The following TSR1 variants were observed in gnomAD, a reference collection of about 807,000 sequenced individuals.
TSR1 encodes pre-rRNA-processing protein TSR1 homolog.
TSR1 carries 81 observed loss-of-function variants against 90.9 expected under a neutral mutation model. The observed-to-expected ratio is 0.89, with a 90% CI of 0.74 to 1.07. TSR1 has a LOEUF of 1.07. Ranked by LOEUF, TSR1 falls within the 50% of genes least tolerant of loss-of-function variation. The probability of loss-of-function intolerance (pLI) is 0.00; values close to 1 mark genes in which losing one functional copy is unlikely to be tolerated. For synonymous variants in TSR1, 362 were observed against 348.8 expected (o/e 1.04, Z -0.42); for missense variants, 989 against 987.3 (o/e 1.00, Z -0.02).
At chr17:2,325,014 T>C in intron 12 of TSR1, 185 bp from the exon 13 acceptor site, 1 of 645,072 alleles carries the variant, frequency 1.6e-6, no homozygotes, top group Non-Finnish European at 2.6e-6. Flanking sequence ...TGAAAACTTG[T>C]ACTTCAAGAG....
rs2064056084 is a variant in TSR1, at chr17:2,335,622, G to GTACTGTTCCAGTGTCCC, written c.309_310insGGGACACTGGAACAGTA (p.Gln104GlyfsTer16). The GTACTGTTCCAGTGTCCC allele has an allele frequency of 6.2e-7, 1 of 1,614,062 alleles. No homozygotes were observed. Among genetic ancestry groups the GTACTGTTCCAGTGTCCC allele is most frequent in the Non-Finnish European group, 8.5e-7 (1 of 1,180,042 alleles). On this transcript the variant is annotated frameshift_variant, in exon 3 of 15. Coordinates refer to ENST00000301364, the MANE Select transcript of TSR1 (RefSeq NM_018128.5). LOFTEE classifies it high-confidence loss of function. ...TGTACTGTTCCAGTGTCCCTATCTT[G>GTACTGTTCCAGTGTCCC]AAGCAGCTGCATGGCCTCTGGCAGG...
chr17:2,331,194 A>G, intron 8 of TSR1, 85 bp from the exon 9 acceptor site: 1 of 1,195,882 alleles, frequency 8.4e-7, no homozygotes, highest in Non-Finnish European at 1.1e-6. Flanking sequence ...ATGGCTAAGG[A>G]GCTAGCTGAA....
chr17:2,333,493 A>G, intron 6 of TSR1, 64 bp downstream of exon 6: 1 of 1,607,688 alleles, frequency 6.2e-7, no homozygotes, highest in Non-Finnish European at 8.5e-7. Flanking sequence ...CCTCACTTGG[A>G]ACAGCTACAG....
In TSR1 at chr17:2,334,864, G is replaced by GT. The variant is rs750660335; in HGVS notation, c.588dup (p.Leu197ThrfsTer13). 1 of 1,613,164 alleles carries GT rather than the reference G, an allele frequency of 6.2e-7. No individual in the cohort carries two copies. Among genetic ancestry groups the GT allele is most frequent in the African/African-American group, 1.3e-5 (1 of 75,054 alleles). On this transcript the variant is annotated frameshift_variant, in exon 5 of 15. Transcript: ENST00000301364. LOFTEE classifies it high-confidence loss of function. ...TTCCTGGTATCTATTTGTTTCTTCA[G>GT]TGGGAGGCCAGAAATCCCCTGGACA...
In TSR1 at chr17:2,323,589, T is replaced by C; in HGVS notation, c.*607A>G. On this transcript the variant is annotated 3_prime_UTR_variant, in exon 15 of 15. Transcript: ENST00000301364. ...TTCAAACTGGACACGTATTCTCATC[T>C]GAACTTTATAGGTAAACCAACTAGA... is the stretch of plus-strand genomic sequence containing the variant. 6 of 1,534,962 alleles carry C rather than the reference T, an allele frequency of 3.9e-6. No homozygotes were observed. In the African/African-American group the frequency reaches 4.1e-5, roughly 10 times the overall value.
At position 2,323,566 on chromosome 17, in the gene TSR1, C is replaced by A; in HGVS notation, c.*630G>T. 1 of 1,397,022 alleles carries A rather than the reference C, an allele frequency of 7.2e-7. No individual in the cohort carries two copies. Among genetic ancestry groups the A allele is most frequent in the South Asian group, 1.2e-5 (1 of 81,280 alleles). The allele number at this position is 1,397,022 out of a possible 1,614,324, so 86.5% of individuals were successfully genotyped here. On this transcript the variant is annotated 3_prime_UTR_variant, in exon 15 of 15. Transcript: ENST00000301364. ...GTGTGTACACAGTGATAAGAAAATT[C>A]AAACTGGACACGTATTCTCATCTGA...
chr17:2,336,176 C>A, intron 1 of TSR1, 36 bp from the exon 2 acceptor site: 2 of 1,609,060 alleles, frequency 1.2e-6, no homozygotes, highest in South Asian at 1.1e-5. Context: ...GTGTGATCGG[C>A]CCCACAAGGT....
At position 2,324,118 on chromosome 17, in the gene TSR1, C is replaced by T. The variant is rs780582736; in HGVS notation, c.*78G>A. Reference sequence around the variant, plus strand: ...CTGACAGGCTGACATAGAAAATAAACTTTGCCCAATCACAACTTGTGCCTC... The same window carrying T: ...CTGACAGGCTGACATAGAAAATAAATTTTGCCCAATCACAACTTGTGCCTC... On this transcript the variant is annotated 3_prime_UTR_variant, in exon 15 of 15. Coordinates refer to ENST00000301364, the MANE Select transcript of TSR1 (RefSeq NM_018128.5). The T allele has an allele frequency of 1.3e-5, 19 of 1,492,360 alleles. No individual in the cohort carries two copies. The highest frequency in any genetic ancestry group is 1.7e-5 in the Non-Finnish European group (19 of 1,119,644). The allele number at this position is 1,492,360 out of a possible 1,614,324, so 92.4% of individuals were successfully genotyped here.
intron 8 of TSR1, among the ~76,000 whole-genome samples, chr17:2,331,719 T>C (rs890833910): frequency 1.3e-5 from 2 of 152,216 alleles, no homozygotes; most frequent in African/African-American, 4.8e-5. Context: ...GGTACTTCTT[T>C]ATAGCCATGC....
chr17:2,332,621 G>C (rs916313180), intron 7 of TSR1, among the ~76,000 whole-genome samples: 2 of 152,182 alleles, frequency 1.3e-5, no homozygotes, highest in African/African-American at 4.8e-5. Flanking sequence ...CGGATCATGA[G>C]GTCAGGAGAT....
chr17:2,333,630 T>A lies in TSR1; in HGVS notation c.1068A>T (p.Gln356His). ...KADPGRQESL[Q>H]AEVIPDPMEG... Reference sequence around the variant, plus strand: ...CCATTGGATCTGGGATAACCTCTGCTTGCAAGGATTCCTGTCTACCAGGGT... The same window carrying A: ...CCATTGGATCTGGGATAACCTCTGCATGCAAGGATTCCTGTCTACCAGGGT... The change falls in exon 6 of 15, where the codon CAA (glutamine) becomes CAT (histidine). Residue 356 changes from glutamine (Q) to histidine (H), a missense_variant. Coordinates refer to ENST00000301364, the MANE Select transcript of TSR1 (RefSeq NM_018128.5). 1.2e-6 allele frequency: 2 copies of A among 1,614,162 alleles called. No homozygotes were observed. The highest frequency in any genetic ancestry group is 1.7e-6 in the Non-Finnish European group (2 of 1,180,042).
At chr17:2,326,281 A>G (rs963343810) in intron 11 of TSR1, among the ~76,000 whole-genome samples, 1 of 152,194 alleles carries the variant, frequency 6.6e-6, no homozygotes, top group Admixed American at 6.5e-5. Flanking sequence ...CACCATTAAT[A>G]CTGCTTTCTT....
chr17:2,332,229 C>G lies in TSR1; in HGVS notation c.1436G>C (p.Arg479Thr). 1 of 1,613,978 alleles carries G rather than the reference C, an allele frequency of 6.2e-7. No individual in the cohort carries two copies. Among genetic ancestry groups the G allele is most frequent in the Non-Finnish European group, 8.5e-7 (1 of 1,180,002 alleles). Residue 479 changes from arginine (R) to threonine (T), a missense_variant, in exon 8 of 15, where the codon AGA (arginine) becomes ACA (threonine). By Grantham distance (71) the Arg-to-Thr change is moderately conservative. Transcript: ENST00000301364. ...TTCATCTGGAAACATCTCTTCCAGT[C>G]TTTCTTGTTTATATTTCTCCAACAT... ...AKMLEKYKQE[R>T]LEEMFPDEVD...
At chr17:2,335,223 C>A (rs776406236) in intron 4 of TSR1, 37 bp downstream of exon 4, 1 of 1,603,632 alleles carries the variant, frequency 6.2e-7, no homozygotes, top group Admixed American at 1.7e-5. Context: ...TAGTGCCTGA[C>A]AAATTAAAGG....
intron 10 of TSR1, chr17:2,330,308 G>T: frequency 1.4e-6 from 1 of 695,526 alleles, no homozygotes; most frequent in Non-Finnish European, 2.7e-6. Flanking sequence ...CACAGAGATT[G>T]CATCACTGAG....
intron 9 of TSR1, 61 bp downstream of exon 9, chr17:2,330,886 A>T: frequency 6.6e-7 from 1 of 1,519,282 alleles, no homozygotes; most frequent in Non-Finnish European, 8.8e-7. Context: ...GAGAAGGAAT[A>T]AAGTAGGGAG....
chr17:2,330,471 G>C (rs747695871), intron 10 of TSR1, 44 bp downstream of exon 10: 1 of 1,566,754 alleles, frequency 6.4e-7, no homozygotes, highest in Non-Finnish European at 8.8e-7. Flanking sequence ...GAAGCAGCTG[G>C]AAAGTTTCAC....
chr17:2,328,236 G>C (rs1257554083), intron 11 of TSR1, among the ~76,000 whole-genome samples: 1 of 106,938 alleles, frequency 9.4e-6, no homozygotes, highest in Non-Finnish European at 1.8e-5. Context: ...AGTGAGACTC[G>C]GTCTCAAAAA....
chr17:2,330,804 G>T, intron 9 of TSR1, 143 bp downstream of exon 9: 1 of 1,012,146 alleles, frequency 9.9e-7, no homozygotes, highest in Non-Finnish European at 1.4e-6. Flanking sequence ...ATACCTCTTT[G>T]TTCCCAGTAT....
Sources: gnomAD v4.1 joint callset for allele counts (sites outside exome capture counted in the v4.1 genomes callset) on GRCh38, gnomAD v4.1.1 for gene constraint, MANE v1.5 for transcripts, NCBI Gene and HGNC (gene_info 2026-07-23, HGNC 2026-07-21) for gene names.